GNA14: variants seen among roughly 807,000 people sequenced by gnomAD.
GNA14 encodes the protein guanine nucleotide-binding protein subunit alpha-14.
GNA14 carries 50 observed loss-of-function variants against 42.0 expected under a neutral mutation model. The observed-to-expected ratio is 1.19, with a 90% CI of 0.95 to 1.51. The LOEUF (loss-of-function observed/expected upper bound fraction) is 1.51, where lower values mean the gene tolerates loss of function less well. Among genes scored for constraint, GNA14 ranks in the 40% most tolerant of loss-of-function variants. GNA14 has a pLI of 0.00. For missense variants in GNA14, 473 were observed against 446.2 expected (o/e 1.06, Z -0.54); for synonymous variants, 173 against 163.1 (o/e 1.06, Z -0.46).
chr9:77,567,003 C>A (rs1037572776), intron 1 of GNA14, among the ~76,000 whole-genome samples: 31 of 152,156 alleles, frequency 2.0e-4, no homozygotes, highest in African/African-American at 7.2e-4. Flanking sequence ...CTTGGAATAA[C>A]CTTCATGTGT....
intron 4 of GNA14, among the ~76,000 whole-genome samples, chr9:77,429,291 G>A (rs1448659390): frequency 6.6e-6 from 1 of 152,202 alleles, no homozygotes; most frequent in Non-Finnish European, 1.5e-5. Context: ...CAGGGAGCCT[G>A]CCGGTTAGGA....
At chr9:77,591,782 C>G (rs1823394146) in intron 1 of GNA14, among the ~76,000 whole-genome samples, 1 of 152,280 alleles carries the variant, frequency 6.6e-6, no homozygotes, top group Middle Eastern at 3.4e-3. Flanking sequence ...TTTTAAACAT[C>G]CCGTCTGGCA....
At chr9:77,590,623 G>A (rs1480570226) in intron 1 of GNA14, among the ~76,000 whole-genome samples, 1 of 151,968 alleles carries the variant, frequency 6.6e-6, no homozygotes, top group Non-Finnish European at 1.5e-5. Flanking sequence ...AAGGGCAGAT[G>A]TAGTGTAGCA....
Position 77,606,967 on chromosome 9 carries a change from C to A in GNA14, c.124+40703G>T, listed in dbSNP as rs182859242. 6.6e-5 allele frequency among the ~76,000 whole-genome samples: 10 copies of A among 152,250 alleles called. No individual in the cohort carries two copies. The East Asian group carries it at 1.9e-3, about 29-fold the overall frequency. ...AAGTGGGGACACAGTAAAATGCAGG[C>A]AATGCAAGCCAGGGAGAGGGCCCTC... On this transcript the variant is annotated intron_variant, in intron 1 of 6. Transcript: ENST00000341700.
intron 1 of GNA14, among the ~76,000 whole-genome samples, chr9:77,624,782 T>A (rs2117986155): frequency 6.6e-6 from 1 of 151,986 alleles, no homozygotes; most frequent in East Asian, 2.0e-4. Context: ...GTACATAAAT[T>A]CATGAAGATG....
rs149020669 is a variant in GNA14, at chr9:77,516,449, G to A, written c.309+12620C>T. 6.2e-4 allele frequency among the ~76,000 whole-genome samples: 94 copies of A among 152,182 alleles called. No homozygotes were observed. In the South Asian group the frequency reaches 7.5e-3, roughly 12 times the overall value. ...ATAATCAAAGTAACACAGGTCAGCC[G>A]GGCATGGTGGCTCACACCTGTAATC... is the stretch of plus-strand genomic sequence containing the variant. On this transcript the variant is annotated intron_variant, in intron 2 of 6. Transcript: ENST00000341700.
At chr9:77,552,303 T>A (rs1024934812) in intron 1 of GNA14, among the ~76,000 whole-genome samples, 1 of 152,068 alleles carries the variant, frequency 6.6e-6, no homozygotes, top group African/African-American at 2.4e-5. Flanking sequence ...GTGGAGGCTT[T>A]GAGAGGCTGA....
chr9:77,497,190 G>A (rs1187777514), intron 2 of GNA14, among the ~76,000 whole-genome samples: 1 of 152,184 alleles, frequency 6.6e-6, no homozygotes, highest in African/African-American at 2.4e-5. Context: ...GAGTCACAAA[G>A]CCTACTGGCC....
At chr9:77,425,129 T>C (rs965661908) in intron 6 of GNA14, among the ~76,000 whole-genome samples, 1 of 152,018 alleles carries the variant, frequency 6.6e-6, no homozygotes, top group African/African-American at 2.4e-5. Flanking sequence ...TCTACCCTCA[T>C]GGAGCCGACT....
intron 1 of GNA14, among the ~76,000 whole-genome samples, chr9:77,577,495 A>C (rs1823146908): frequency 6.6e-6 from 1 of 152,178 alleles, no homozygotes; most frequent in African/African-American, 2.4e-5. Flanking sequence ...TGCTTTCAAA[A>C]ACAAACACAT....
intron 2 of GNA14, among the ~76,000 whole-genome samples, chr9:77,450,419 G>A (rs1043133428): frequency 1.3e-5 from 2 of 152,018 alleles, no homozygotes; most frequent in African/African-American, 4.8e-5. Context: ...GGGCTTACAT[G>A]CCGCATCAAA....
intron 1 of GNA14, among the ~76,000 whole-genome samples, chr9:77,596,132 C>A (rs1057305106): frequency 6.6e-6 from 1 of 152,054 alleles, no homozygotes; most frequent in Non-Finnish European, 1.5e-5. Flanking sequence ...TATTTTTCTG[C>A]AATATGACAG....
intron 1 of GNA14, among the ~76,000 whole-genome samples, chr9:77,630,651 A>G (rs1824083340): frequency 6.6e-6 from 1 of 152,234 alleles, no homozygotes; most frequent in Non-Finnish European, 1.5e-5. Flanking sequence ...TTTAATTTTT[A>G]TATGCAAAAA....
intron 1 of GNA14, among the ~76,000 whole-genome samples, chr9:77,602,971 T>C (rs561684302): frequency 6.6e-6 from 1 of 152,300 alleles, no homozygotes; most frequent in Admixed American, 6.5e-5. Context: ...ACCCAACTCA[T>C]AAATGCCCTA....
intron 1 of GNA14, among the ~76,000 whole-genome samples, chr9:77,584,947 A>C (rs1411369420): frequency 6.6e-6 from 1 of 152,040 alleles, no homozygotes; most frequent in African/African-American, 2.4e-5. Flanking sequence ...ACTCATGGCT[A>C]TCTTGGTTTT....
chr9:77,445,573 A>AG (rs1835803200), intron 2 of GNA14, among the ~76,000 whole-genome samples: 1 of 150,532 alleles, frequency 6.6e-6, no homozygotes, highest in Non-Finnish European at 1.5e-5. Context: ...AAAAAAAAAA[A>AG]GAAAGGAAAA....
chr9:77,536,574 C>A (rs901009400), intron 1 of GNA14, among the ~76,000 whole-genome samples: 1 of 152,212 alleles, frequency 6.6e-6, no homozygotes, highest in Non-Finnish European at 1.5e-5. Context: ...TGGTCTCGAA[C>A]TTCTGGTCTC....
intron 1 of GNA14, among the ~76,000 whole-genome samples, chr9:77,584,040 C>T (rs1021180617): frequency 6.6e-6 from 1 of 152,172 alleles, no homozygotes; most frequent in Non-Finnish European, 1.5e-5. Flanking sequence ...CAGATGACCT[C>T]CCAACAGAGA....
chr9:77,603,640 C>T (rs952044951), intron 1 of GNA14, among the ~76,000 whole-genome samples: 2 of 151,844 alleles, frequency 1.3e-5, no homozygotes, highest in Admixed American at 1.3e-4. Context: ...AAGAGGAATC[C>T]AAGGGCAGCC....
Sources: gnomAD v4.1 joint callset for allele counts (sites outside exome capture counted in the v4.1 genomes callset) on GRCh38, gnomAD v4.1.1 for gene constraint, MANE v1.5 for transcripts, NCBI Gene and HGNC (gene_info 2026-07-23, HGNC 2026-07-21) for gene names.